The following OR2M3 variants were observed in gnomAD, a reference collection of about 807,000 sequenced individuals.
OR2M3 encodes olfactory receptor 2M3.
Under a neutral mutation model 4.3 loss-of-function variants are expected in OR2M3, and 1 was observed. The ratio of observed to expected loss-of-function variants is 0.23; its 90% CI spans 0.08 to 1.11. OR2M3 has a LOEUF of 1.11. Ranked by LOEUF, OR2M3 falls within the 50% of genes most tolerant of loss-of-function variation. OR2M3 has a pLI of 0.54. For missense variants in OR2M3, 410 were observed against 390.4 expected (o/e 1.05, Z -0.42); for synonymous variants, 151 against 139.4 (o/e 1.08, Z -0.59).
intron 1 of OR2M3, among the ~76,000 whole-genome samples, chr1:248,199,200 T>C (rs1391263833): frequency 6.6e-6 from 1 of 152,136 alleles, no homozygotes; most frequent in African/African-American, 2.4e-5. Flanking sequence ...AAAAAAATAC[T>C]TGGCAGGCAA....
Position 248,205,622 on chromosome 1 carries a change from T to C in OR2M3, c.*1616T>C, listed in dbSNP as rs1164319360. The C allele has an allele frequency of 6.6e-6, 1 of 152,130 alleles. No homozygotes were observed. Among genetic ancestry groups the C allele is most frequent in the Non-Finnish European group, 1.5e-5 (1 of 68,008 alleles). 9.4% of individuals were successfully genotyped at this position (152,130 alleles called of 1,614,324 possible). A position where few individuals can be genotyped will look rare whatever the true frequency, so the allele number is the denominator to read the frequency against. Reference sequence around the variant, plus strand: ...GGCTGTAAGTATTTTGGTTTATTTCTGGGTTCTCTATTCTGTTTTGTCTGT... The same window carrying C: ...GGCTGTAAGTATTTTGGTTTATTTCCGGGTTCTCTATTCTGTTTTGTCTGT... On this transcript the variant is annotated 3_prime_UTR_variant, in exon 2 of 2. Coordinates refer to ENST00000641626, the MANE Select transcript of OR2M3 (RefSeq NM_001004689.2).
Position 248,203,905 on chromosome 1 carries a change from A to G in OR2M3, c.838A>G (p.Ile280Val). The G allele has an allele frequency of 2.5e-6, 4 of 1,613,778 alleles. No homozygotes were observed. The highest frequency in any genetic ancestry group is 3.4e-6 in the Non-Finnish European group (4 of 1,179,868). Residue 280 changes from isoleucine to valine, a missense_variant, in exon 2 of 2, where the codon ATC becomes GTC. By Grantham distance (29) the Ile-to-Val change is conservative. Coordinates refer to ENST00000641626, the MANE Select transcript of OR2M3 (RefSeq NM_001004689.2). Reference protein sequence around the residue: ...QDKMVSVFYTILTPMLNPLIY... With the variant: ...QDKMVSVFYTVLTPMLNPLIY... ...CAAGATGGTGTCTGTATTCTACACCATCCTCACTCCCATGTTGAATCCCCT... is the reference window on the plus strand; with the variant it reads ...CAAGATGGTGTCTGTATTCTACACCGTCCTCACTCCCATGTTGAATCCCCT...
chr1:248,203,867 C>A lies in OR2M3; in HGVS notation c.800C>A (p.Ser267Tyr). ...TACATACGGCCCACATCTGATCGCT[C>A]CCCAACACAGGACAAGATGGTGTCT... The part of the protein sequence containing the change: ...FMYIRPTSDR[S>Y]PTQDKMVSVF... The change falls in exon 2 of 2, where the codon TCC becomes TAC. Residue 267 changes from serine to tyrosine, a missense_variant. Coordinates refer to ENST00000641626, the MANE Select transcript of OR2M3 (RefSeq NM_001004689.2). The A allele has an allele frequency of 6.2e-7, 1 of 1,613,754 alleles. No individual in the cohort carries two copies. Among genetic ancestry groups the A allele is most frequent in the Non-Finnish European group, 8.5e-7 (1 of 1,179,848 alleles).
In OR2M3 at chr1:248,203,255, TCAGC is replaced by T; in HGVS notation, c.191_194del (p.Ser64AsnfsTer66). 3 of 1,614,046 alleles carry T rather than the reference TCAGC, an allele frequency of 1.9e-6. No individual in the cohort carries two copies. The highest frequency in any genetic ancestry group is 2.5e-6 in the Non-Finnish European group (3 of 1,179,990). On this transcript the variant is annotated frameshift_variant, in exon 2 of 2. Transcript: ENST00000641626. LOFTEE classifies it low-confidence loss of function (END_TRUNC). ...CTCCACACCCCCATGTACCTCCTCC[TCAGC>T]CAACTGTCCCTCATGGACCTCATGC...
chr1:248,198,513 A>G (rs778396075), intron 1 of OR2M3, among the ~76,000 whole-genome samples: 4 of 152,130 alleles, frequency 2.6e-5, no homozygotes, highest in Non-Finnish European at 5.9e-5. Context: ...GATCATTCCT[A>G]TTACAAAAGG....
rs1480335543 is a variant in OR2M3 at position 248,204,603 on chromosome 1, A to ATG, written c.*603_*604dup. On this transcript the variant is annotated 3_prime_UTR_variant, in exon 2 of 2. Transcript: ENST00000641626. ...TTATGACTGAGTAGTATTCCATGGTATGTGTGTATATAGATATATATATAT... is the reference window on the plus strand; with the variant it reads ...TTATGACTGAGTAGTATTCCATGGTATGTGTGTGTATATAGATATATATATAT... The ATG allele has an allele frequency of 4.6e-5, 7 of 151,452 alleles. No homozygotes were observed. The highest frequency in any genetic ancestry group is 1.7e-4 in the African/African-American group (7 of 40,598). 9.4% of individuals were successfully genotyped at this position (151,452 alleles called of 1,614,324 possible).
intron 1 of OR2M3, among the ~76,000 whole-genome samples, chr1:248,198,243 T>G (rs779438084): frequency 1.2e-4 from 18 of 152,150 alleles, no homozygotes; most frequent in Non-Finnish European, 2.6e-4. Context: ...AGGTAGTCAT[T>G]ATTCCAGTAT....
At chr1:248,198,640 C>A (rs1666123975) in intron 1 of OR2M3, among the ~76,000 whole-genome samples, 1 of 152,148 alleles carries the variant, frequency 6.6e-6, no homozygotes, top group Non-Finnish European at 1.5e-5. Flanking sequence ...TCTTTTCCAT[C>A]ATCTCCCTCA....
At chr1:248,198,441 A>G (rs1666121601) in intron 1 of OR2M3, among the ~76,000 whole-genome samples, 1 of 152,168 alleles carries the variant, frequency 6.6e-6, no homozygotes, top group African/African-American at 2.4e-5. Flanking sequence ...TTTATATTAC[A>G]TATAAAGTTG....
rs1030846729 is a variant in OR2M3 at position 248,212,201 on chromosome 1, G to A, written c.*8195G>A. Reference sequence around the variant, plus strand: ...AATAGTGAAACTGTACATGAAACAAGAAGTATACTAATAGCCATCAAATAT... The same window carrying A: ...AATAGTGAAACTGTACATGAAACAAAAAGTATACTAATAGCCATCAAATAT... On this transcript the variant is annotated 3_prime_UTR_variant, in exon 2 of 2. Transcript: ENST00000641626. 9 of 151,952 alleles carry A rather than the reference G, an allele frequency of 5.9e-5. No homozygotes were observed. The highest frequency in any genetic ancestry group is 2.2e-4 in the African/African-American group (9 of 41,394). 9.4% of individuals were successfully genotyped at this position (151,952 alleles called of 1,614,324 possible).
Position 248,204,483 on chromosome 1 carries a change from T to C in OR2M3, c.*477T>C, listed in dbSNP as rs1558253354. The C allele has an allele frequency of 6.5e-6, 1 of 153,614 alleles. No individual in the cohort carries two copies. Among genetic ancestry groups the C allele is most frequent in the African/African-American group, 2.4e-5 (1 of 41,426 alleles). The allele number at this position is 153,614 out of a possible 1,614,324, so 9.5% of individuals were successfully genotyped here. On this transcript the variant is annotated 3_prime_UTR_variant, in exon 2 of 2. Coordinates refer to ENST00000641626, the MANE Select transcript of OR2M3 (RefSeq NM_001004689.2). ...TAGTTTCAACATATGAATGTGAACG[T>C]ATGATGTTTGGTTTTTCATTCCTGA...
In OR2M3 at chr1:248,203,821, T is replaced by C. The variant is rs1336260522; in HGVS notation, c.754T>C (p.Tyr252His). Residue 252 changes from tyrosine to histidine, a missense_variant, in exon 2 of 2, where the codon TAT becomes CAT. Coordinates refer to ENST00000641626, the MANE Select transcript of OR2M3 (RefSeq NM_001004689.2). ...TCACCTCTTGGTGGTGGGAATGTAC[T>C]ATGGAGCAGCTTTGTTCATGTACAT... is the stretch of plus-strand genomic sequence containing the variant. ...SSHLLVVGMY[Y>H]GAALFMYIRP... 1 of 1,613,468 alleles carries C rather than the reference T, an allele frequency of 6.2e-7. No individual in the cohort carries two copies. Among genetic ancestry groups the C allele is most frequent in the Admixed American group, 1.7e-5 (1 of 59,992 alleles).
At position 248,203,611 on chromosome 1, in the gene OR2M3, C is replaced by T. The variant is rs924348965; in HGVS notation, c.544C>T (p.Pro182Ser). The T allele has an allele frequency of 6.2e-7, 1 of 1,613,768 alleles. No homozygotes were observed. Among genetic ancestry groups the T allele is most frequent in the South Asian group, 1.1e-5 (1 of 91,062 alleles). The change falls in exon 2 of 2, where the codon CCC (proline) becomes TCC (serine). Residue 182 changes from proline (P) to serine (S), a missense_variant. Coordinates refer to ENST00000641626, the MANE Select transcript of OR2M3 (RefSeq NM_001004689.2). ...AATAGCCCACTTCTTCTGTGACTTC[C>T]CCTCCCTACTAATCCTCTCATGCAG... ...REIAHFFCDFPSLLILSCSDT... is the reference protein window; with the variant it reads ...REIAHFFCDFSSLLILSCSDT...
rs547424370 is a variant in OR2M3, at chr1:248,202,899, T to A, written c.-18-151T>A. ...TGAGACAGTGTTGAAAGAACATATT[T>A]CGTTCAGATTCTATATTTCTTGACC... On this transcript the variant is annotated intron_variant, in intron 1 of 1. Coordinates refer to ENST00000641626, the MANE Select transcript of OR2M3 (RefSeq NM_001004689.2). The A allele has an allele frequency of 4.3e-6, 3 of 692,500 alleles. No homozygotes were observed. The East Asian group carries it at 8.1e-5, about 19-fold the overall frequency. The allele number at this position is 692,500 out of a possible 1,614,324, so 42.9% of individuals were successfully genotyped here.
intron 1 of OR2M3, among the ~76,000 whole-genome samples, chr1:248,199,760 A>G (rs1666135893): frequency 6.6e-6 from 1 of 152,086 alleles, no homozygotes; most frequent in African/African-American, 2.4e-5. Context: ...ATTTTTATAA[A>G]TTTATGATAT....
In OR2M3 at chr1:248,204,313, T is replaced by TACGGC; in HGVS notation, c.*307_*308insACGGC. The TACGGC allele has an allele frequency of 9.0e-6, 2 of 223,294 alleles. No homozygotes were observed. The highest frequency in any genetic ancestry group is 1.2e-4 in the East Asian group (1 of 8,350). 13.8% of individuals were successfully genotyped at this position (223,294 alleles called of 1,614,324 possible). A position where few individuals can be genotyped will look rare whatever the true frequency, so the allele number is the denominator to read the frequency against. Reference sequence around the variant, plus strand: ...GTTTTATGAATAAGTTCTTTAGTGATGATTTCTGAGATTTTGGTGCACCCA... The same window carrying TACGGC: ...GTTTTATGAATAAGTTCTTTAGTGATACGGCGATTTCTGAGATTTTGGTGCACCCA... On this transcript the variant is annotated 3_prime_UTR_variant, in exon 2 of 2. Coordinates refer to ENST00000641626, the MANE Select transcript of OR2M3 (RefSeq NM_001004689.2).
rs1313945102 is a variant in OR2M3, at chr1:248,203,736, G to C, written c.669G>C (p.Leu223=). 6.2e-7 allele frequency: 1 copy of C among 1,612,266 alleles called. No homozygotes were observed. The highest frequency in any genetic ancestry group is 1.1e-5 in the South Asian group (1 of 90,990). The part of the protein sequence containing the change: ...IIIASYARVI[L]AVIHMGSGEG... ...TTGCTTCCTATGCTCGAGTTATCCT[G>C]GCTGTCATTCACATGGGATCTGGAG... Residue 223 remains leucine (L), a synonymous_variant, in exon 2 of 2, where the codon CTG becomes CTC. Transcript: ENST00000641626.
In OR2M3 at chr1:248,203,512, T is replaced by G; in HGVS notation, c.445T>G (p.Trp149Gly). Reference protein sequence around the residue: ...KICGLMTAFSWILGSTDGIID... With the variant: ...KICGLMTAFSGILGSTDGIID... ...TTGTGGACTTATGACTGCCTTTTCC[T>G]GGATCCTGGGCTCTACGGATGGAAT... The change falls in exon 2 of 2, where the codon TGG becomes GGG. Residue 149 changes from tryptophan to glycine, a missense_variant. By Grantham distance (184) the Trp-to-Gly change is radical (BLOSUM62 -2). Coordinates refer to ENST00000641626, the MANE Select transcript of OR2M3 (RefSeq NM_001004689.2). 6.2e-7 allele frequency: 1 copy of G among 1,613,854 alleles called. No homozygotes were observed. The highest frequency in any genetic ancestry group is 8.5e-7 in the Non-Finnish European group (1 of 1,179,832).
In OR2M3 at chr1:248,211,405, C is replaced by T. The variant is rs1452912116; in HGVS notation, c.*7399C>T. 6.6e-6 allele frequency: 1 copy of T among 151,818 alleles called. No individual in the cohort carries two copies. The highest frequency in any genetic ancestry group is 1.5e-5 in the Non-Finnish European group (1 of 67,982). 9.4% of individuals were successfully genotyped at this position (151,818 alleles called of 1,614,324 possible). A position where few individuals can be genotyped will look rare whatever the true frequency, so the allele number is the denominator to read the frequency against. ...AGTGGATAGATAATTTACATGTGCC[C>T]CTAAACTGCACAATGATACTTAAAC... On this transcript the variant is annotated 3_prime_UTR_variant, in exon 2 of 2. Transcript: ENST00000641626.
Sources: gnomAD v4.1 joint callset for allele counts (sites outside exome capture counted in the v4.1 genomes callset) on GRCh38, gnomAD v4.1.1 for gene constraint, MANE v1.5 for transcripts, NCBI Gene and HGNC (gene_info 2026-07-23, HGNC 2026-07-21) for gene names.